The following SNX24 variants were observed in gnomAD, a reference collection of about 807,000 sequenced individuals.
The protein encoded by SNX24 is sorting nexin-24.
A neutral mutation model predicts 28.7 loss-of-function variants in SNX24; 22 were observed. The observed-to-expected ratio is 0.77, with a 90% CI of 0.55 to 1.10. SNX24 has a LOEUF of 1.10. Ranked by LOEUF, SNX24 falls within the 50% of genes least tolerant of loss-of-function variation. The probability of loss-of-function intolerance (pLI) is 0.00; values close to 1 mark genes in which losing one functional copy is unlikely to be tolerated. For missense variants in SNX24, 221 were observed against 201.1 expected (o/e 1.10, Z -0.60); for synonymous variants, 69 against 71.5 (o/e 0.96, Z 0.18).
At chr5:122,986,263 A>G (rs1761599934) in intron 3 of SNX24, among the ~76,000 whole-genome samples, 1 of 152,226 alleles carries the variant, frequency 6.6e-6, no homozygotes. Flanking sequence ...ATAGGTATTT[A>G]GTTTTGATGA....
At chr5:122,867,921 CAT>C (rs1424551231) in intron 1 of SNX24, among the ~76,000 whole-genome samples, 4 of 152,198 alleles carry the variant, frequency 2.6e-5, no homozygotes, top group Admixed American at 6.5e-5. Flanking sequence ...TGTGTAATCA[CAT>C]GTCTGGCCAT....
At chr5:122,893,786 G>A (rs1207203644) in intron 1 of SNX24, among the ~76,000 whole-genome samples, 7 of 152,204 alleles carry the variant, frequency 4.6e-5, no homozygotes, top group Non-Finnish European at 8.8e-5. Context: ...GCTCACGCCT[G>A]TAATCCCAGC....
chr5:122,962,761 C>T (rs1760538514), intron 3 of SNX24, among the ~76,000 whole-genome samples: 1 of 152,140 alleles, frequency 6.6e-6, no homozygotes, highest in Non-Finnish European at 1.5e-5. Flanking sequence ...TGGATTGTGG[C>T]CCCAGAGCTT....
At chr5:122,904,708 C>T (rs2150083078) in intron 1 of SNX24, among the ~76,000 whole-genome samples, 1 of 152,226 alleles carries the variant, frequency 6.6e-6, no homozygotes, top group African/African-American at 2.4e-5. Flanking sequence ...TTATTCTATT[C>T]AGTATGCTCT....
Position 122,902,990 on chromosome 5 carries a change from A to G in SNX24, c.61-33744A>G, listed in dbSNP as rs1258720477. ...GGCCTGAGACGTCCCCAGCCTCTTC[A>G]GTCTCATTTTCACCCTGTATACAGA... On this transcript the variant is annotated intron_variant, in intron 1 of 6. Coordinates refer to ENST00000261369, the MANE Select transcript of SNX24 (RefSeq NM_014035.4). Among the ~76,000 whole-genome samples, 6 of 152,128 alleles carry G rather than the reference A, an allele frequency of 3.9e-5. No homozygotes were observed. The East Asian group carries it at 1.2e-3, about 29-fold the overall frequency.
chr5:122,845,812 T>G, intron 1 of SNX24, 119 bp downstream of exon 1: 3 of 475,624 alleles, frequency 6.3e-6, no homozygotes, highest in Non-Finnish European at 9.9e-6. Flanking sequence ...TTCTCTCCCC[T>G]CCCCCGGCCC....
At chr5:123,029,031 A>C (rs2150189564) in intron 5 of SNX24, 1 of 822,794 alleles carries the variant, frequency 1.2e-6, no homozygotes, top group East Asian at 2.7e-5. Context: ...TCATTAGCTG[A>C]CCAAAAAATA....
At chr5:122,925,111 C>T (rs139887596) in intron 1 of SNX24, among the ~76,000 whole-genome samples, 2 of 139,048 alleles carry the variant, frequency 1.4e-5, no homozygotes, top group Non-Finnish European at 3.1e-5. Context: ...TCTCTCTTCC[C>T]TTCCCCTTTC....
chr5:123,002,200 CTT>C, intron 6 of SNX24, 196 bp downstream of exon 6: 1 of 596,224 alleles, frequency 1.7e-6, no homozygotes, highest in African/African-American at 1.8e-5. Context: ...TGTAATTTTT[CTT>C]TCTCTCTTAC....
intron 1 of SNX24, among the ~76,000 whole-genome samples, chr5:122,918,947 T>TAA (rs931974657): frequency 6.6e-6 from 1 of 152,234 alleles, no homozygotes; most frequent in African/African-American, 2.4e-5. Flanking sequence ...TGTATATATA[T>TAA]AATCTGTATG....
chr5:122,947,120 A>C (rs1389854092), intron 3 of SNX24, among the ~76,000 whole-genome samples: 1 of 152,322 alleles, frequency 6.6e-6, no homozygotes, highest in Non-Finnish European at 1.5e-5. Context: ...AGAGCTATGA[A>C]TTAATGATTG....
chr5:122,985,974 A>AC, intron 3 of SNX24, among the ~76,000 whole-genome samples: 1 of 152,112 alleles, frequency 6.6e-6, no homozygotes, highest in East Asian at 1.9e-4. Flanking sequence ...AATTGCTAGC[A>AC]CTCTGAAGGA....
chr5:122,846,399 A>T lies in SNX24; in HGVS notation c.60+706A>T, dbSNP rs916131408. On this transcript the variant is annotated intron_variant, in intron 1 of 6. Coordinates refer to ENST00000261369, the MANE Select transcript of SNX24 (RefSeq NM_014035.4). ...GTGGAGATTTCCCAATGAATTCAAA[A>T]CATTCTTTCCTGGACAGTCATTGCT... is the stretch of plus-strand genomic sequence containing the variant. Among the ~76,000 whole-genome samples the T allele has an allele frequency of 2.6e-5, 4 of 152,326 alleles. No individual in the cohort carries two copies. The East Asian group carries it at 7.7e-4, about 29-fold the overall frequency.
intron 1 of SNX24, among the ~76,000 whole-genome samples, chr5:122,902,035 A>G (rs1757469021): frequency 6.6e-6 from 1 of 152,230 alleles, no homozygotes; most frequent in African/African-American, 2.4e-5. Flanking sequence ...CTAAAACATA[A>G]GAACAGTCAT....
chr5:122,973,956 AG>A (rs1342373129), intron 3 of SNX24, among the ~76,000 whole-genome samples: 4 of 152,224 alleles, frequency 2.6e-5, no homozygotes, highest in African/African-American at 9.6e-5. Context: ...ATATGGCTCA[AG>A]TGGCAGAGCA....
At chr5:122,975,128 T>C (rs959567181) in intron 3 of SNX24, among the ~76,000 whole-genome samples, 1 of 152,324 alleles carries the variant, frequency 6.6e-6, no homozygotes, top group East Asian at 1.9e-4. Context: ...TAATGCACTT[T>C]AGTTGACCAT....
At chr5:122,960,313 A>G (rs1207461604) in intron 3 of SNX24, among the ~76,000 whole-genome samples, 1 of 152,160 alleles carries the variant, frequency 6.6e-6, no homozygotes, top group Non-Finnish European at 1.5e-5. Flanking sequence ...TTGTCACTTG[A>G]TAAGCAGTGT....
intron 3 of SNX24, among the ~76,000 whole-genome samples, chr5:122,955,832 G>A (rs535264776): frequency 3.9e-5 from 6 of 152,278 alleles, no homozygotes; most frequent in East Asian, 3.9e-4. Context: ...GGTCCCTTAC[G>A]AGGCTGTCTC....
chr5:122,881,971 A>AT (rs200785867), intron 1 of SNX24, among the ~76,000 whole-genome samples: 5,997 of 138,922 alleles, frequency 0.043, 300 homozygotes, highest in African/African-American at 0.12. Flanking sequence ...TGTTTGTTGG[A>AT]TTTTTTTTTT....
Sources: gnomAD v4.1 joint callset for allele counts (sites outside exome capture counted in the v4.1 genomes callset) on GRCh38, gnomAD v4.1.1 for gene constraint, MANE v1.5 for transcripts, NCBI Gene and HGNC (gene_info 2026-07-23, HGNC 2026-07-21) for gene names.